Variants in CSRNP3 observed in about 807,000 individuals in gnomAD.
CSRNP3 encodes the protein cysteine and serine rich nuclear protein 3.
CSRNP3 carries 12 observed loss-of-function variants against 48.0 expected under a neutral mutation model. That is an observed-to-expected ratio of 0.25 (90% CI 0.16 to 0.41). The LOEUF is 0.41. Ranked by LOEUF, CSRNP3 falls within the 10% of genes least tolerant of loss-of-function variation. CSRNP3 has a pLI of 1.00. For missense variants in CSRNP3, 580 were observed against 724.4 expected, an observed-to-expected ratio of 0.80 and a Z score of 2.29; for synonymous variants, 263 against 269.7, an observed-to-expected ratio of 0.98 and a Z score of 0.24.
chr2:165,687,760 C>T lies in CSRNP3; in HGVS notation c.*8007C>T, dbSNP rs866828699. The stretch of plus-strand genomic sequence containing the variant: ...AAGGCCTGAAAACGAAGGGAGGTGT[C>T]GTGGAGAAATGGTGATTTTTCTGGT... On this transcript the variant is annotated 3_prime_UTR_variant, in exon 7 of 7. Transcript: ENST00000651982. 2 of 151,924 alleles carry T rather than the reference C, an allele frequency of 1.3e-5. No homozygotes were observed. Among genetic ancestry groups the T allele is most frequent in the African/African-American group, 2.4e-5 (1 of 41,378 alleles). The allele number at this position is 151,924 out of a possible 1,614,324, so 9.4% of individuals were successfully genotyped here.
chr2:165,678,564 G>GT (rs2105365273), intron 6 of CSRNP3, 137 bp from the exon 7 acceptor site: 1 of 995,694 alleles, frequency 1.0e-6, no homozygotes, highest in Non-Finnish European at 1.4e-6. Flanking sequence ...TCTATTTGAA[G>GT]TTTGGTTGTC....
Position 165,595,230 on chromosome 2 carries a change from G to C in CSRNP3, c.148+17G>C. On this transcript the variant is annotated intron_variant, in intron 4 of 6. Coordinates refer to ENST00000651982, the MANE Select transcript of CSRNP3 (RefSeq NM_001172173.2). The stretch of plus-strand genomic sequence containing the variant: ...ATTTTACCCGTGAGTACTGAAATCA[G>C]AACCGAAGTCAATTGTCTGGTTCTA... The C allele has an allele frequency of 1.3e-6, 2 of 1,592,094 alleles. No individual in the cohort carries two copies. The highest frequency in any genetic ancestry group is 1.7e-6 in the Non-Finnish European group (2 of 1,163,600).
At chr2:165,591,336 A>G (rs2105291614) in intron 3 of CSRNP3, among the ~76,000 whole-genome samples, 1 of 152,360 alleles carries the variant, frequency 6.6e-6, no homozygotes, top group South Asian at 2.1e-4. Context: ...AAAAGGAAGT[A>G]GAGCATAAAG....
Position 165,489,264 on chromosome 2 carries a change from G to T in CSRNP3, c.-282-5495G>T, listed in dbSNP as rs562228353. On this transcript the variant is annotated intron_variant, in intron 1 of 6. Coordinates refer to ENST00000651982, the MANE Select transcript of CSRNP3 (RefSeq NM_001172173.2). ...TAAACCAGGAAGAAGTTGAATCTCT[G>T]AATAGACCAATAACAGGAGCTGAAA... 6.0e-3 allele frequency among the ~76,000 whole-genome samples: 903 copies of T among 150,556 alleles called. 18 individuals carry two copies. The highest frequency in any genetic ancestry group is 0.052 in the Admixed American group (792 of 15,106).
intron 4 of CSRNP3, among the ~76,000 whole-genome samples, chr2:165,600,809 A>C (rs1558946680): frequency 6.6e-6 from 1 of 152,176 alleles, no homozygotes; most frequent in Non-Finnish European, 1.5e-5. Context: ...CTAATCTTTC[A>C]AATTTAAAAT....
At chr2:165,525,930 T>G (rs1002676070) in intron 3 of CSRNP3, among the ~76,000 whole-genome samples, 6 of 152,228 alleles carry the variant, frequency 3.9e-5, no homozygotes, top group African/African-American at 1.4e-4. Context: ...TATGAAAGAT[T>G]GAAGTTCACA....
chr2:165,561,567 A>G (rs1355725898), intron 3 of CSRNP3, among the ~76,000 whole-genome samples: 1 of 152,082 alleles, frequency 6.6e-6, no homozygotes, highest in Non-Finnish European at 1.5e-5. Context: ...GCTCATTTGG[A>G]TTGTATTCTC....
chr2:165,652,755 G>T (rs889133869), intron 4 of CSRNP3, among the ~76,000 whole-genome samples: 1 of 151,850 alleles, frequency 6.6e-6, no homozygotes, highest in Non-Finnish European at 1.5e-5. Flanking sequence ...CGTTGCTCAG[G>T]CTGGTCTCGA....
chr2:165,646,657 GA>G (rs1450584696), intron 4 of CSRNP3, among the ~76,000 whole-genome samples: 1 of 152,144 alleles, frequency 6.6e-6, no homozygotes, highest in East Asian at 1.9e-4. Context: ...TGGTGGTAAT[GA>G]ATTGCATTGC....
At chr2:165,599,601 G>A (rs1194262044) in intron 4 of CSRNP3, among the ~76,000 whole-genome samples, 1 of 152,122 alleles carries the variant, frequency 6.6e-6, no homozygotes, top group Non-Finnish European at 1.5e-5. Context: ...TGTGATCTAA[G>A]CATTTTAGCC....
chr2:165,669,102 T>A lies in CSRNP3; in HGVS notation c.409-7210T>A, dbSNP rs1284175963. Among the ~76,000 whole-genome samples, 5 of 152,338 alleles carry A rather than the reference T, an allele frequency of 3.3e-5. No individual in the cohort carries two copies. The East Asian group carries it at 9.6e-4, about 29-fold the overall frequency. ...TTTACTATATGGCAGCTTAGGTCAT[T>A]CTCAACATCATCATCCTTATTATAA... On this transcript the variant is annotated intron_variant, in intron 5 of 6. Coordinates refer to ENST00000651982, the MANE Select transcript of CSRNP3 (RefSeq NM_001172173.2).
At chr2:165,663,035 A>G (rs1419670538) in intron 5 of CSRNP3, among the ~76,000 whole-genome samples, 1 of 152,196 alleles carries the variant, frequency 6.6e-6, no homozygotes, top group African/African-American at 2.4e-5. Flanking sequence ...TCTCAGATTT[A>G]TGACTGCTTT....
rs538587950 is a variant in CSRNP3 at position 165,577,152 on chromosome 2, A to C, written c.-23-17891A>C. Among the ~76,000 whole-genome samples, 3 of 151,940 alleles carry C rather than the reference A, an allele frequency of 2.0e-5. No individual in the cohort carries two copies. In the South Asian group the frequency reaches 6.2e-4, roughly 31 times the overall value. ...TTCTGGAGCCTATGAAATAGAAAAA[A>C]AAAAACAAAACTAAATTACTGAAAC... is the stretch of plus-strand genomic sequence containing the variant. On this transcript the variant is annotated intron_variant, in intron 3 of 6. Transcript: ENST00000651982.
Position 165,678,913 on chromosome 2 carries a change from T to A in CSRNP3, c.918T>A (p.Ala306=). 1 of 1,614,030 alleles carries A rather than the reference T, an allele frequency of 6.2e-7. No homozygotes were observed. Among genetic ancestry groups the A allele is most frequent in the Non-Finnish European group, 8.5e-7 (1 of 1,179,990 alleles). The change falls in exon 7 of 7, where the codon GCT becomes GCA. Residue 306 remains alanine, a synonymous_variant. Coordinates refer to ENST00000651982, the MANE Select transcript of CSRNP3 (RefSeq NM_001172173.2). ...ACAGTAGTTCTATGGGCCCTGTCGCTCACTCCGTAGAATATTCAATCGCAG... is the reference window on the plus strand; with the variant it reads ...ACAGTAGTTCTATGGGCCCTGTCGCACACTCCGTAGAATATTCAATCGCAG... The part of the protein sequence containing the change: ...SAHSSSMGPV[A]HSVEYSIADS...
chr2:165,606,169 CAT>C (rs1686007978), intron 4 of CSRNP3, among the ~76,000 whole-genome samples: 1 of 149,604 alleles, frequency 6.7e-6, no homozygotes, highest in Non-Finnish European at 1.5e-5. Flanking sequence ...GTCAGAGTAA[CAT>C]ACTGTAGCAT....
chr2:165,505,800 A>T (rs371896285), intron 2 of CSRNP3, among the ~76,000 whole-genome samples: 7 of 152,222 alleles, frequency 4.6e-5, no homozygotes, highest in African/African-American at 1.7e-4. Flanking sequence ...TCTTACTGGT[A>T]ATACAAAACC....
At chr2:165,678,230 A>T (rs189276432) in intron 6 of CSRNP3, among the ~76,000 whole-genome samples, 1 of 152,198 alleles carries the variant, frequency 6.6e-6, no homozygotes, top group Non-Finnish European at 1.5e-5. Flanking sequence ...AAAAGTTAAC[A>T]TGGGGTACAT....
Position 165,479,157 on chromosome 2 carries a change from T to C in CSRNP3, c.-283+9417T>C, listed in dbSNP as rs11901048. On this transcript the variant is annotated intron_variant, in intron 1 of 6. Transcript: ENST00000651982. Reference sequence around the variant, plus strand: ...GTCTTTTTTATAGCTATTATGAATGTTTATAAACAATATTTATGTATATTT... The same window carrying C: ...GTCTTTTTTATAGCTATTATGAATGCTTATAAACAATATTTATGTATATTT... 8.4e-3 allele frequency among the ~76,000 whole-genome samples: 1,281 copies of C among 152,294 alleles called. 21 individuals carry two copies. Among genetic ancestry groups the C allele is most frequent in the African/African-American group, 0.029 (1,200 of 41,558 alleles).
In CSRNP3 at chr2:165,500,445, A is replaced by G. The variant is rs201312216; in HGVS notation, c.-113+5517A>G. Among the ~76,000 whole-genome samples the G allele has an allele frequency of 3.4e-4, 23 of 67,012 alleles. No individual in the cohort carries two copies. The South Asian group carries it at 3.5e-3, about 10-fold the overall frequency. The allele number at this position is 67,012 out of a possible 152,430, so 44.0% of individuals were successfully genotyped here. ...TACACACACACACACACACACGTGT[A>G]TATATATATATATATATATTTTGAG... On this transcript the variant is annotated intron_variant, in intron 2 of 6. Transcript: ENST00000651982.
Sources: allele counts gnomAD v4.1 joint callset (sites outside exome capture counted in the v4.1 genomes callset), GRCh38; gene constraint gnomAD v4.1.1; transcripts MANE v1.5; gene names NCBI Gene and HGNC (gene_info 2026-07-23, HGNC 2026-07-21).